The following TRIOBP variants were observed in gnomAD, a reference collection of about 807,000 sequenced individuals.
TRIOBP encodes the protein TRIO and F-actin-binding protein.
A neutral mutation model predicts 238.8 loss-of-function variants in TRIOBP; 169 were observed. The observed-to-expected ratio is 0.71, with a 90% confidence interval of 0.62 to 0.80. The LOEUF is 0.80. Ranked by LOEUF, TRIOBP falls within the 30% of genes least tolerant of loss-of-function variation. The pLI, the probability that TRIOBP is intolerant of heterozygous loss-of-function variation, is 0.00. For missense variants in TRIOBP, 2,838 were observed against 3,122.6 expected, an observed-to-expected ratio of 0.91 and a Z score of 2.17; for synonymous variants, 1,150 against 1,274.4, an observed-to-expected ratio of 0.90 and a Z score of 2.08.
chr22:37,764,500 T>C (rs1436506796), intron 17 of TRIOBP, among the ~76,000 whole-genome samples: 2 of 152,194 alleles, frequency 1.3e-5, no homozygotes, highest in Non-Finnish European at 2.9e-5. Flanking sequence ...GTTCCCCTGA[T>C]AGGGATTTAG....
chr22:37,706,854 G>A (rs1226563040), intron 3 of TRIOBP, among the ~76,000 whole-genome samples: 1 of 152,014 alleles, frequency 6.6e-6, no homozygotes, highest in African/African-American at 2.4e-5. Flanking sequence ...TGATGATCAA[G>A]GCTGTGAAAC....
At chr22:37,767,279 T>A (rs1926549191) in intron 18 of TRIOBP, among the ~76,000 whole-genome samples, 1 of 74,292 alleles carries the variant, frequency 1.3e-5, no homozygotes, top group Admixed American at 1.2e-4. Flanking sequence ...CTCCGTCTCC[T>A]GGGTGACAGA....
In TRIOBP at chr22:37,734,877, G is replaced by GC. The variant is rs772921599; in HGVS notation, c.4547dup (p.Glu1517Ter). 3.1e-6 allele frequency: 5 copies of GC among 1,612,994 alleles called. No individual in the cohort carries two copies. Among genetic ancestry groups the GC allele is most frequent in the Non-Finnish European group, 2.5e-6 (3 of 1,180,004 alleles). On this transcript the variant is annotated frameshift_variant, in exon 9 of 24. Transcript: ENST00000644935. LOFTEE classifies it high-confidence loss of function. ...CTAGGAAAGAGAAGCCCACTCACGA[G>GC]CCCCCCTGAGAACTGGGGAGGCCCC...
intron 11 of TRIOBP, among the ~76,000 whole-genome samples, chr22:37,747,211 G>A (rs1280823533): frequency 6.6e-6 from 1 of 152,240 alleles, no homozygotes; most frequent in African/African-American, 2.4e-5. Flanking sequence ...GGGGAGGGGC[G>A]CTGGTGAGTT....
rs779800383 is a variant in TRIOBP, at chr22:37,765,827, C to CT, written c.6472+11dup. 33 of 1,509,134 alleles carry CT rather than the reference C, an allele frequency of 2.2e-5. No homozygotes were observed. Among genetic ancestry groups the CT allele is most frequent in the East Asian group, 9.7e-5 (4 of 41,136 alleles). The allele number at this position is 1,509,134 out of a possible 1,614,324, so 93.5% of individuals were successfully genotyped here. ...GCAGCCACGGCCTCAGGTATGGACCCTGGGGGGGGCACAGTGGGCTGGGCT... is the reference window on the plus strand; with the variant it reads ...GCAGCCACGGCCTCAGGTATGGACCCTTGGGGGGGGCACAGTGGGCTGGGCT... On this transcript the variant is annotated intron_variant, in intron 18 of 23. Coordinates refer to ENST00000644935, the MANE Select transcript of TRIOBP (RefSeq NM_001039141.3).
At chr22:37,708,602 C>G (rs62236744) in intron 3 of TRIOBP, among the ~76,000 whole-genome samples, 24,631 of 152,248 alleles carry the variant, frequency 0.16, 2,572 homozygotes, top group South Asian at 0.27. Context: ...CAGAACACCC[C>G]TAGGAGGTGG....
At position 37,726,170 on chromosome 22, in the gene TRIOBP, C is replaced by T. The variant is rs1302345191; in HGVS notation, c.3614C>T (p.Ser1205Phe). ...GAGAGCCTGGCCCCCTCCACTGACT[C>T]TCTGCATGGCTCCCCAGTGCTGATC... ...SMESLAPSTDSLHGSPVLIPQ... is the reference protein window; with the variant it reads ...SMESLAPSTDFLHGSPVLIPQ... Residue 1205 changes from serine to phenylalanine, a missense_variant, in exon 7 of 24, where the codon TCT becomes TTT. Ser to Phe is a radical substitution (Grantham distance 155). Coordinates refer to ENST00000644935, the MANE Select transcript of TRIOBP (RefSeq NM_001039141.3). The T allele has an allele frequency of 1.9e-6, 3 of 1,583,632 alleles. No homozygotes were observed. Among genetic ancestry groups the T allele is most frequent in the Non-Finnish European group, 1.7e-6 (2 of 1,164,256 alleles).
intron 11 of TRIOBP, among the ~76,000 whole-genome samples, chr22:37,744,439 C>T (rs772304611): frequency 1.3e-5 from 2 of 152,178 alleles, no homozygotes; most frequent in Non-Finnish European, 2.9e-5. Flanking sequence ...TGTGATGGTT[C>T]CTGACTGCCT....
At chr22:37,697,551 T>TGCCTTGCTGTCGCCCCCACCGC (rs1180523590) in intron 1 of TRIOBP, 37 bp from the exon 2 acceptor site, 3 of 152,326 alleles carry the variant, frequency 2.0e-5, no homozygotes, top group African/African-American at 4.8e-5. Context: ...CTCCCCACCG[T>TGCCTTGCTGTCGCCCCCACCGC]GCCTTGCTGT....
intron 6 of TRIOBP, among the ~76,000 whole-genome samples, chr22:37,716,518 C>A (rs777660850): frequency 6.6e-5 from 10 of 152,170 alleles, no homozygotes; most frequent in Non-Finnish European, 1.5e-4. Context: ...CAACCTCCGC[C>A]TCCTGGGTTC....
chr22:37,745,098 C>T (rs1925153762), intron 11 of TRIOBP, among the ~76,000 whole-genome samples: 1 of 152,130 alleles, frequency 6.6e-6, no homozygotes, highest in Non-Finnish European at 1.5e-5. Flanking sequence ...CTCCTGATCT[C>T]AATGATCCAC....
rs944558672 is a variant in TRIOBP at position 37,771,631 on chromosome 22, C to G, written c.6850-19C>G. ...CTCTGGCTTCTGGCCCTGGGTCAGT[C>G]CAGCACCTATATCCCCAGGTGCTGC... On this transcript the variant is annotated intron_variant, in intron 21 of 23. Transcript: ENST00000644935. 23 of 1,611,350 alleles carry G rather than the reference C, an allele frequency of 1.4e-5. No individual in the cohort carries two copies. The highest frequency in any genetic ancestry group is 2.0e-5 in the Non-Finnish European group (23 of 1,178,064).
chr22:37,731,613 C>T lies in TRIOBP; in HGVS notation c.3948-1685C>T, dbSNP rs191300210. Among the ~76,000 whole-genome samples, 66 of 152,154 alleles carry T rather than the reference C, an allele frequency of 4.3e-4. 1 individual carries two copies. The highest frequency in any genetic ancestry group is 2.2e-3 in the Admixed American group (33 of 15,286). ...CTGGGATTACAGGCACGTGCCACCA[C>T]GCCTGGCTAAGTTTTGTATTTTTAG... is the stretch of plus-strand genomic sequence containing the variant. On this transcript the variant is annotated intron_variant, in intron 7 of 23. Coordinates refer to ENST00000644935, the MANE Select transcript of TRIOBP (RefSeq NM_001039141.3).
Position 37,776,360 on chromosome 22 carries a change from G to A in TRIOBP, c.*2580G>A, listed in dbSNP as rs994533105. 5.9e-5 allele frequency: 9 copies of A among 152,190 alleles called. No homozygotes were observed. The highest frequency in any genetic ancestry group is 2.2e-4 in the African/African-American group (9 of 41,442). 9.4% of individuals were successfully genotyped at this position (152,190 alleles called of 1,614,324 possible). The stretch of plus-strand genomic sequence containing the variant: ...TGCAAATGTGCTTTGTTGCACCCAC[G>A]GCAGGAAACTGACCAGCTTCTCATC... On this transcript the variant is annotated 3_prime_UTR_variant, in exon 24 of 24. Coordinates refer to ENST00000644935, the MANE Select transcript of TRIOBP (RefSeq NM_001039141.3).
intron 6 of TRIOBP, among the ~76,000 whole-genome samples, chr22:37,721,478 T>G (rs1923826511): frequency 6.6e-6 from 1 of 152,136 alleles, no homozygotes; most frequent in Admixed American, 6.5e-5. Context: ...GCTACTTTTT[T>G]GTTTCGTTTT....
chr22:37,721,505 T>C (rs1006003124), intron 6 of TRIOBP, among the ~76,000 whole-genome samples: 1 of 152,234 alleles, frequency 6.6e-6, no homozygotes, highest in African/African-American at 2.4e-5. Flanking sequence ...TAAGACAATG[T>C]CTTGCTCTGT....
intron 8 of TRIOBP, among the ~76,000 whole-genome samples, chr22:37,733,923 TCCCAAG>T (rs1377799123): frequency 6.6e-6 from 1 of 152,224 alleles, no homozygotes; most frequent in Non-Finnish European, 1.5e-5. Flanking sequence ...CACCTTGGCC[TCCCAAG>T]GTGCTGGGAT....
chr22:37,740,117 C>T (rs959844188), intron 10 of TRIOBP, among the ~76,000 whole-genome samples: 2 of 152,156 alleles, frequency 1.3e-5, no homozygotes, highest in African/African-American at 2.4e-5. Context: ...GTAGCAGGGT[C>T]GGGGGCACCC....
At chr22:37,755,245 T>TG (rs1312754974) in intron 14 of TRIOBP, 55 bp downstream of exon 14, 38 of 1,555,934 alleles carry the variant, frequency 2.4e-5, no homozygotes, top group Middle Eastern at 1.7e-4. Context: ...TGGAGGTCCC[T>TG]GGGGGAGGTT....
Sources: gnomAD v4.1 joint callset for allele counts (sites outside exome capture counted in the v4.1 genomes callset) on GRCh38, gnomAD v4.1.1 for gene constraint, MANE v1.5 for transcripts, NCBI Gene and HGNC (gene_info 2026-07-23, HGNC 2026-07-21) for gene names.